The following USH2A variants were observed in gnomAD, a reference collection of about 807,000 sequenced individuals.
The protein encoded by USH2A is Usher syndrome 2A (autosomal recessive, mild).
USH2A carries 443 observed loss-of-function variants against 538.9 expected under a neutral mutation model. That is an observed-to-expected ratio of 0.82 (90% CI 0.76 to 0.89). The LOEUF is 0.89. Among genes scored for constraint, USH2A ranks in the 40% least tolerant of loss-of-function variants. USH2A has a pLI of 0.00. For missense variants in USH2A, 6,633 were observed against 6,324.8 expected (o/e 1.05, Z -1.65); for synonymous variants, 2,413 against 2,273.5 (o/e 1.06, Z -1.75).
intron 50 of USH2A, among the ~76,000 whole-genome samples, chr1:215,792,006 T>C (rs371899253): frequency 2.6e-5 from 4 of 152,350 alleles, no homozygotes; most frequent in East Asian, 3.9e-4. Flanking sequence ...ATTTTTTTAC[T>C]GTTAATTTTT....
At position 215,998,786 on chromosome 1, in the gene USH2A, C is replaced by CA. The variant is rs529965408; in HGVS notation, c.6657+100_6657+101insT. 25,864 of 1,095,600 alleles carry CA rather than the reference C, an allele frequency of 0.024. 113 individuals are homozygous for CA. The highest frequency in any genetic ancestry group is 0.027 in the Non-Finnish European group (21,171 of 771,144). The allele number at this position is 1,095,600 out of a possible 1,614,324, so 67.9% of individuals were successfully genotyped here. On this transcript the variant is annotated intron_variant, in intron 34 of 71. Coordinates refer to ENST00000307340, the MANE Select transcript of USH2A (RefSeq NM_206933.4). The stretch of plus-strand genomic sequence containing the variant: ...AAACAGCAATACATGAAGATTTTGA[C>CA]TTTTTTTTTTTTAAGTGAGAGAGAA...
intron 44 of USH2A, among the ~76,000 whole-genome samples, chr1:215,857,235 C>T (rs1353842977): frequency 2.6e-5 from 4 of 151,950 alleles, no homozygotes; most frequent in African/African-American, 9.7e-5. Flanking sequence ...ACAGCTATAG[C>T]TTAGATTTTT....
At chr1:215,769,899 A>G (rs1661232044) in intron 55 of USH2A, among the ~76,000 whole-genome samples, 1 of 152,152 alleles carries the variant, frequency 6.6e-6, no homozygotes, top group African/African-American at 2.4e-5. Context: ...GGGGAGAATG[A>G]CAGTTTTACT....
At chr1:216,202,520 C>T (rs1024645601) in intron 16 of USH2A, among the ~76,000 whole-genome samples, 1 of 152,182 alleles carries the variant, frequency 6.6e-6, no homozygotes, top group African/African-American at 2.4e-5. Flanking sequence ...AAGGTAGTTG[C>T]TCTCCTTGGT....
chr1:215,798,436 T>C (rs1305996758), intron 50 of USH2A, among the ~76,000 whole-genome samples: 1 of 152,180 alleles, frequency 6.6e-6, no homozygotes, highest in African/African-American at 2.4e-5. Flanking sequence ...ACCTATCATG[T>C]AAGATTATTG....
chr1:216,365,084 A>C lies in USH2A; in HGVS notation c.653T>G (p.Val218Gly), dbSNP rs397518026. The change falls in exon 4 of 72, where the codon GTG (valine) becomes GGG (glycine). Residue 218 changes from valine to glycine, a missense_variant and splice_region_variant. Transcript: ENST00000307340. ...AAAGAAGCTGATTTTTGTCTGATGCACCTGTAAGAAATTACCACCATTATT... is the reference window on the plus strand; with the variant it reads ...AAAGAAGCTGATTTTTGTCTGATGCCCCTGTAAGAAATTACCACCATTATT... ...VKKWIHLSVQVHQTKISFFIN... is the reference protein window; with the variant it reads ...VKKWIHLSVQGHQTKISFFIN... 6.2e-7 allele frequency: 1 copy of C among 1,611,680 alleles called. No homozygotes were observed. Among genetic ancestry groups the C allele is most frequent in the Non-Finnish European group, 8.5e-7 (1 of 1,178,834 alleles).
intron 21 of USH2A, among the ~76,000 whole-genome samples, chr1:216,161,931 G>T (rs182804639): frequency 2.2e-3 from 337 of 151,958 alleles, no homozygotes; most frequent in African/African-American, 7.7e-3. Context: ...TCCACTGAAG[G>T]TAATAAGTCT....
intron 45 of USH2A, 90 bp downstream of exon 45, chr1:215,845,731 TATA>T: frequency 1.4e-6 from 2 of 1,411,154 alleles, no homozygotes; most frequent in Non-Finnish European, 2.0e-6. Context: ...CCGGAAATTT[TATA>T]ATGGAGGGAT....
chr1:216,042,141 T>C (rs1237122958), intron 32 of USH2A, among the ~76,000 whole-genome samples: 1 of 152,014 alleles, frequency 6.6e-6, no homozygotes, highest in East Asian at 1.9e-4. Flanking sequence ...TCAAAATATT[T>C]TTACAAAAAT....
Position 215,674,440 on chromosome 1 carries a change from C to T in USH2A, c.13471G>A (p.Glu4491Lys). The change falls in exon 63 of 72, where the codon GAA becomes AAA. Residue 4491 changes from glutamate (E) to lysine (K), a missense_variant. Glu to Lys is a moderately conservative substitution (Grantham distance 56). Coordinates refer to ENST00000307340, the MANE Select transcript of USH2A (RefSeq NM_206933.4). ...RDGTIVYTGL[E>K]TRYRDFTLTP... ...AGAGTAAAATCACGATAGCGTGTTT[C>T]CAAGCCTGTATATACAATGGTTCCA... is the stretch of plus-strand genomic sequence containing the variant. 6.2e-7 allele frequency: 1 copy of T among 1,614,118 alleles called. No individual in the cohort carries two copies. The highest frequency in any genetic ancestry group is 1.1e-5 in the South Asian group (1 of 91,070).
chr1:215,884,499 A>G (rs1372826153), intron 41 of USH2A, among the ~76,000 whole-genome samples: 1 of 152,196 alleles, frequency 6.6e-6, no homozygotes, highest in East Asian at 1.9e-4. Flanking sequence ...AGATTACTTA[A>G]TCCCTCATTC....
chr1:216,334,068 T>G (rs2037923816), intron 4 of USH2A, among the ~76,000 whole-genome samples: 1 of 152,070 alleles, frequency 6.6e-6, no homozygotes, highest in Admixed American at 6.6e-5. Flanking sequence ...TTAAAAAGAT[T>G]ATAAATGTAT....
intron 3 of USH2A, among the ~76,000 whole-genome samples, chr1:216,391,791 T>C (rs2039113518): frequency 6.6e-6 from 1 of 152,244 alleles, no homozygotes; most frequent in African/African-American, 2.4e-5. Context: ...CGCTGTGACC[T>C]CTCAAGTAGA....
chr1:215,746,346 G>T (rs1660470649), intron 58 of USH2A, among the ~76,000 whole-genome samples: 1 of 151,948 alleles, frequency 6.6e-6, no homozygotes, highest in South Asian at 2.1e-4. Context: ...AACTGGAAAA[G>T]GTGTGTCAGA....
chr1:215,766,690 C>G lies in USH2A; in HGVS notation c.11038G>C (p.Ala3680Pro). 1 of 1,613,402 alleles carries G rather than the reference C, an allele frequency of 6.2e-7. No homozygotes were observed. The highest frequency in any genetic ancestry group is 8.5e-7 in the Non-Finnish European group (1 of 1,179,410). The change falls in exon 56 of 72, where the codon GCT (alanine) becomes CCT (proline). Residue 3680 changes from alanine to proline, a missense_variant. Ala to Pro is a conservative substitution (Grantham distance 27, BLOSUM62 -1). Coordinates refer to ENST00000307340, the MANE Select transcript of USH2A (RefSeq NM_206933.4). Reference sequence around the variant, plus strand: ...GATATTGTTTCATTACCTTCAGGAGCTGCCTGCAGTGTCTGACCTAGAAAA... The same window carrying G: ...GATATTGTTTCATTACCTTCAGGAGGTGCCTGCAGTGTCTGACCTAGAAAA... ...EPFLGQTLQA[A>P]PEGVWVTPRH...
intron 21 of USH2A, among the ~76,000 whole-genome samples, chr1:216,142,144 C>T (rs12091601): frequency 0.035 from 5,260 of 152,152 alleles, 271 homozygotes; most frequent in African/African-American, 0.12. Context: ...CTAGAAGAAA[C>T]CAGAAGATAT....
chr1:215,944,867 A>T (rs1666720106), intron 37 of USH2A, among the ~76,000 whole-genome samples: 2 of 152,170 alleles, frequency 1.3e-5, no homozygotes, highest in South Asian at 4.1e-4. Flanking sequence ...CTTCCAATGG[A>T]TTCTAGTGAA....
chr1:216,269,383 G>A (rs533021944), intron 11 of USH2A, among the ~76,000 whole-genome samples: 2 of 152,146 alleles, frequency 1.3e-5, no homozygotes, highest in South Asian at 4.1e-4. Flanking sequence ...TGCCATGATC[G>A]TGAGGCCTCC....
intron 52 of USH2A, 70 bp from the exon 53 acceptor site, chr1:215,783,005 A>G (rs1661692770): frequency 6.9e-7 from 1 of 1,456,302 alleles, no homozygotes; most frequent in African/African-American, 1.4e-5. Context: ...TTAAAAGTGA[A>G]TATCAAAAAC....
Sources: gnomAD v4.1 joint callset for allele counts (sites outside exome capture counted in the v4.1 genomes callset) on GRCh38, gnomAD v4.1.1 for gene constraint, MANE v1.5 for transcripts, NCBI Gene and HGNC (gene_info 2026-07-23, HGNC 2026-07-21) for gene names.